Variants in STK32A observed in about 807,000 individuals in gnomAD.
The protein encoded by STK32A is serine/threonine-protein kinase 32A.
STK32A carries 41 observed loss-of-function variants against 53.2 expected under a neutral mutation model. The ratio of observed to expected loss-of-function variants is 0.77; its 90% CI spans 0.60 to 1.00. STK32A has a LOEUF of 1.00. Among genes scored for constraint, STK32A ranks in the 50% least tolerant of loss-of-function variants. The pLI, the probability that STK32A is intolerant of heterozygous loss-of-function variation, is 0.00. For synonymous variants in STK32A, 166 were observed against 162.8 expected, an observed-to-expected ratio of 1.02 and a Z score of -0.15; for missense variants, 458 against 485.8, an observed-to-expected ratio of 0.94 and a Z score of 0.54.
chr5:147,318,050 C>A (rs555136720), intron 4 of STK32A, among the ~76,000 whole-genome samples: 187 of 151,686 alleles, frequency 1.2e-3, no homozygotes, highest in Middle Eastern at 3.4e-3. Context: ...ATCTTATTTT[C>A]AAAAAAAATT....
At chr5:147,355,312 C>T (rs1756164804) in intron 7 of STK32A, among the ~76,000 whole-genome samples, 1 of 152,140 alleles carries the variant, frequency 6.6e-6, no homozygotes, top group Admixed American at 6.6e-5. Context: ...CCTCTGGTCC[C>T]TCCATTATTC....
intron 11 of STK32A, among the ~76,000 whole-genome samples, chr5:147,376,468 G>A (rs1343512747): frequency 6.6e-6 from 1 of 152,088 alleles, no homozygotes; most frequent in East Asian, 1.9e-4. Flanking sequence ...CTGATAACAG[G>A]ACCTAACATG....
intron 11 of STK32A, among the ~76,000 whole-genome samples, chr5:147,380,590 T>G (rs1374393891): frequency 1.3e-5 from 2 of 152,262 alleles, no homozygotes; most frequent in African/African-American, 2.4e-5. Context: ...AATTCTGTCC[T>G]GGGACTGGTA....
chr5:147,338,857 G>A (rs1261335873), intron 5 of STK32A, among the ~76,000 whole-genome samples: 2 of 152,190 alleles, frequency 1.3e-5, no homozygotes, highest in Non-Finnish European at 2.9e-5. Context: ...CATTCAAGAG[G>A]TGACGTGGGT....
At chr5:147,272,624 A>T (rs1156655402) in intron 2 of STK32A, among the ~76,000 whole-genome samples, 1 of 93,712 alleles carries the variant, frequency 1.1e-5, no homozygotes, top group African/African-American at 4.9e-5. Context: ...TAAAGGGTAC[A>T]CAAGGATTTG....
At chr5:147,349,183 C>T (rs563595694) in intron 6 of STK32A, among the ~76,000 whole-genome samples, 3 of 152,202 alleles carry the variant, frequency 2.0e-5, no homozygotes, top group Non-Finnish European at 4.4e-5. Flanking sequence ...GAATGAGTGG[C>T]TACCTTTTTT....
chr5:147,326,577 T>G (rs1317202133), intron 5 of STK32A, among the ~76,000 whole-genome samples: 1 of 152,206 alleles, frequency 6.6e-6, no homozygotes, highest in Non-Finnish European at 1.5e-5. Flanking sequence ...CTCTGCATGT[T>G]TTGCTTTTCA....
intron 7 of STK32A, among the ~76,000 whole-genome samples, chr5:147,357,514 G>T (rs1051110550): frequency 6.6e-6 from 1 of 151,724 alleles, no homozygotes; most frequent in Non-Finnish European, 1.5e-5. Context: ...AAATCCTAGG[G>T]TATCATATTT....
chr5:147,317,009 T>C (rs376163262), intron 4 of STK32A, among the ~76,000 whole-genome samples: 3 of 151,694 alleles, frequency 2.0e-5, no homozygotes, highest in East Asian at 3.9e-4. Flanking sequence ...AGAATTCAAA[T>C]ATCACAACCC....
intron 10 of STK32A, 78 bp downstream of exon 10, chr5:147,373,372 A>G: frequency 6.4e-7 from 1 of 1,561,258 alleles, no homozygotes. Context: ...ACATTGTCTC[A>G]TTAGATAATC....
chr5:147,317,772 T>C (rs1399589102), intron 4 of STK32A, among the ~76,000 whole-genome samples: 2 of 152,150 alleles, frequency 1.3e-5, no homozygotes, highest in African/African-American at 2.4e-5. Context: ...AAACATTTGA[T>C]AAAAATTTCT....
chr5:147,378,196 T>C (rs1757306078), intron 11 of STK32A, among the ~76,000 whole-genome samples: 1 of 152,088 alleles, frequency 6.6e-6, no homozygotes, highest in South Asian at 2.1e-4. Flanking sequence ...ATACACAAAG[T>C]GCTGTGGGAA....
At chr5:147,243,991 TTTCTC>T (rs1441037185) in intron 2 of STK32A, among the ~76,000 whole-genome samples, 2 of 152,142 alleles carry the variant, frequency 1.3e-5, no homozygotes, top group African/African-American at 4.8e-5. Flanking sequence ...CTTCAGAACA[TTTCTC>T]TTCTCGAATT....
At chr5:147,398,982 A>G in the STK32A span, 1 of 1,469,100 alleles carries the variant, frequency 6.8e-7, no homozygotes, top group African/African-American at 1.4e-5. Context: ...AACCCGTCCT[A>G]GTCTAACTAC....
chr5:147,278,280 GA>G (rs1751866756), intron 3 of STK32A, 101 bp downstream of exon 3: 1 of 904,600 alleles, frequency 1.1e-6, no homozygotes, highest in Admixed American at 2.7e-5. Context: ...GGACCGCAAG[GA>G]AAGATAATTA....
At chr5:147,393,894 G>A in the STK32A span, 1 of 823,414 alleles carries the variant, frequency 1.2e-6, no homozygotes, top group Admixed American at 2.7e-5. Context: ...GCGTAACATT[G>A]GAGAAACATA....
intron 8 of STK32A, among the ~76,000 whole-genome samples, chr5:147,367,170 A>G (rs1271641224): frequency 6.6e-6 from 1 of 151,332 alleles, no homozygotes; most frequent in East Asian, 1.9e-4. Flanking sequence ...TGTCCAATCA[A>G]CCCTCCCGCC....
chr5:147,396,486 G>A, the STK32A span, among the ~76,000 whole-genome samples: 1 of 152,232 alleles, frequency 6.6e-6, no homozygotes, highest in African/African-American at 2.4e-5. Context: ...GGCCAGAGGG[G>A]AGGCAATGAG....
chr5:147,361,685 T>A, intron 8 of STK32A, 71 bp downstream of exon 8: 1 of 1,081,160 alleles, frequency 9.2e-7, no homozygotes, highest in Non-Finnish European at 1.4e-6. Context: ...GAATGTATTG[T>A]TTGCTAAGAT....
Sources: allele counts gnomAD v4.1 joint callset (sites outside exome capture counted in the v4.1 genomes callset), GRCh38; gene constraint gnomAD v4.1.1; transcripts MANE v1.5; gene names NCBI Gene and HGNC (gene_info 2026-07-23, HGNC 2026-07-21).